The following SEMA3E variants were observed in gnomAD, a reference collection of about 807,000 sequenced individuals.
The protein encoded by SEMA3E is semaphorin-3E.
A neutral mutation model predicts 93.6 loss-of-function variants in SEMA3E; 49 were observed. The ratio of observed to expected loss-of-function variants is 0.52; its 90% CI spans 0.42 to 0.66. SEMA3E has a LOEUF of 0.66. SEMA3E is among the 30% of genes least tolerant of loss of function. SEMA3E has a pLI of 0.00. For synonymous variants in SEMA3E, 363 were observed against 330.7 expected (o/e 1.10, Z -1.06); for missense variants, 906 against 964.8 (o/e 0.94, Z 0.81).
At chr7:83,374,518 C>G (rs1333049558) in intron 16 of SEMA3E, among the ~76,000 whole-genome samples, 1 of 152,098 alleles carries the variant, frequency 6.6e-6, no homozygotes, top group Non-Finnish European at 1.5e-5. Flanking sequence ...GTTAATTACA[C>G]TCTGGATGTC....
At chr7:83,641,402 G>C in intron 1 of SEMA3E, 1 of 985,332 alleles carries the variant, frequency 1.0e-6, no homozygotes, top group Non-Finnish European at 1.2e-6. Context: ...ATGCTGAGCT[G>C]ATAGCTGCCT....
chr7:83,551,816 G>A (rs1279924889), intron 1 of SEMA3E, among the ~76,000 whole-genome samples: 2 of 152,054 alleles, frequency 1.3e-5, no homozygotes, highest in Non-Finnish European at 2.9e-5. Flanking sequence ...GTGCTTTGCA[G>A]GACATGTAGC....
chr7:83,517,537 T>G (rs953520764), intron 1 of SEMA3E, among the ~76,000 whole-genome samples: 3 of 152,218 alleles, frequency 2.0e-5, no homozygotes, highest in Non-Finnish European at 4.4e-5. Flanking sequence ...AGCTACTAGA[T>G]TCCATTGTTA....
intron 8 of SEMA3E, 121 bp from the exon 9 acceptor site, chr7:83,405,640 T>A (rs1788315162): frequency 1.2e-6 from 1 of 834,266 alleles, no homozygotes; most frequent in South Asian, 1.4e-5. Flanking sequence ...TATTTTCATA[T>A]ACAATCATAC....
At chr7:83,617,531 AT>A (rs1276661283) in intron 1 of SEMA3E, among the ~76,000 whole-genome samples, 1 of 146,070 alleles carries the variant, frequency 6.8e-6, no homozygotes, top group Non-Finnish European at 1.5e-5. Context: ...TTTTATATAA[AT>A]TTTATATAAG....
chr7:83,589,762 T>C (rs2115940554), intron 1 of SEMA3E, among the ~76,000 whole-genome samples: 1 of 152,338 alleles, frequency 6.6e-6, no homozygotes, highest in South Asian at 2.1e-4. Flanking sequence ...CATCTCACTT[T>C]GACTAAAGTT....
intron 1 of SEMA3E, among the ~76,000 whole-genome samples, chr7:83,562,647 G>C (rs1178787397): frequency 1.3e-5 from 2 of 152,046 alleles, no homozygotes; most frequent in Non-Finnish European, 2.9e-5. Flanking sequence ...TTCTTAGACA[G>C]CCTGTTCCTC....
intron 1 of SEMA3E, among the ~76,000 whole-genome samples, chr7:83,578,488 G>T (rs552616010): frequency 6.6e-6 from 1 of 151,964 alleles, no homozygotes; most frequent in Non-Finnish European, 1.5e-5. Context: ...CTCAGGAGGC[G>T]GAGGTTGCAG....
chr7:83,646,354 A>C (rs1388278109), intron 1 of SEMA3E, among the ~76,000 whole-genome samples: 1 of 152,046 alleles, frequency 6.6e-6, no homozygotes, highest in Non-Finnish European at 1.5e-5. Context: ...GTGGGACTGA[A>C]TATCCCTCCT....
intron 13 of SEMA3E, among the ~76,000 whole-genome samples, chr7:83,393,039 C>CAAAAAAA (rs59283673): frequency 7.8e-5 from 10 of 128,846 alleles, no homozygotes; most frequent in African/African-American, 3.0e-4. Context: ...AACTCCATCT[C>CAAAAAAA]AAAAAAAAAA....
At chr7:83,587,187 G>C (rs1198484325) in intron 1 of SEMA3E, among the ~76,000 whole-genome samples, 3 of 152,090 alleles carry the variant, frequency 2.0e-5, no homozygotes, top group African/African-American at 7.2e-5. Flanking sequence ...ATTCTTTAAA[G>C]ATTTATATAT....
chr7:83,463,741 T>A, intron 4 of SEMA3E, among the ~76,000 whole-genome samples: 1 of 152,156 alleles, frequency 6.6e-6, no homozygotes, highest in Non-Finnish European at 1.5e-5. Context: ...ACCTCTCATT[T>A]CCTTTCCATC....
intron 1 of SEMA3E, among the ~76,000 whole-genome samples, chr7:83,632,913 A>G (rs996446931): frequency 7.2e-5 from 11 of 152,264 alleles, no homozygotes; most frequent in Middle Eastern, 3.4e-3. Context: ...ACATGTGACC[A>G]CCTATCTGGA....
chr7:83,500,906 A>G (rs1790585747), intron 1 of SEMA3E, among the ~76,000 whole-genome samples: 1 of 152,018 alleles, frequency 6.6e-6, no homozygotes, highest in Non-Finnish European at 1.5e-5. Context: ...CTTTCAAAAT[A>G]CTTTCATGTA....
At position 83,367,762 on chromosome 7, in the gene SEMA3E, C is replaced by G; in HGVS notation, c.2152G>C (p.Gly718Arg). 2 of 1,614,056 alleles carry G rather than the reference C, an allele frequency of 1.2e-6. No individual in the cohort carries two copies. Among genetic ancestry groups the G allele is most frequent in the Non-Finnish European group, 1.7e-6 (2 of 1,179,996 alleles). The change falls in exon 17 of 17, where the codon GGT becomes CGT. Residue 718 changes from glycine (G) to arginine (R), a missense_variant. By Grantham distance (125) the Gly-to-Arg change is moderately radical. Coordinates refer to ENST00000643230, the MANE Select transcript of SEMA3E (RefSeq NM_012431.3). ...TCCACTCTCTGGAAGTTGCTATAACCGATCAGCTGCAAGAATTCCTTGTAC... is the reference window on the plus strand; with the variant it reads ...TCCACTCTCTGGAAGTTGCTATAACGGATCAGCTGCAAGAATTCCTTGTAC... ...PWYKEFLQLIGYSNFQRVEEY... is the reference protein window; with the variant it reads ...PWYKEFLQLIRYSNFQRVEEY...
chr7:83,589,441 A>G (rs1172367725), intron 1 of SEMA3E, among the ~76,000 whole-genome samples: 1 of 152,124 alleles, frequency 6.6e-6, no homozygotes, highest in Non-Finnish European at 1.5e-5. Flanking sequence ...ACATCCAGTC[A>G]CTGATTTTCA....
chr7:83,439,483 T>C (rs1020501968), intron 4 of SEMA3E, among the ~76,000 whole-genome samples: 2 of 152,228 alleles, frequency 1.3e-5, no homozygotes, highest in African/African-American at 2.4e-5. Context: ...TAAGGGCTTT[T>C]TGGTTGTTTC....
At chr7:83,607,541 T>TAATA (rs1793149941) in intron 1 of SEMA3E, among the ~76,000 whole-genome samples, 2 of 152,180 alleles carry the variant, frequency 1.3e-5, no homozygotes, top group Non-Finnish European at 2.9e-5. Context: ...ATTTATAAGA[T>TAATA]TCTATACAAA....
intron 16 of SEMA3E, among the ~76,000 whole-genome samples, chr7:83,381,375 G>A (rs1190461531): frequency 6.6e-6 from 1 of 151,908 alleles, no homozygotes; most frequent in African/African-American, 2.4e-5. Context: ...AGCATCTGCT[G>A]TTCCCATTGT....
Sources: gnomAD v4.1 joint callset for allele counts (sites outside exome capture counted in the v4.1 genomes callset) on GRCh38, gnomAD v4.1.1 for gene constraint, MANE v1.5 for transcripts, NCBI Gene and HGNC (gene_info 2026-07-23, HGNC 2026-07-21) for gene names.